The following BCAS3 variants were observed in gnomAD, a reference collection of about 807,000 sequenced individuals.
The protein encoded by BCAS3 is BCAS3 microtubule associated cell migration factor, also known as BCAS4/BCAS3 fusion.
A neutral mutation model predicts 116.1 loss-of-function variants in BCAS3; 53 were observed. The ratio of observed to expected loss-of-function variants is 0.46; its 90% confidence interval spans 0.37 to 0.57. The LOEUF is 0.57. Ranked by LOEUF, BCAS3 falls within the 20% of genes least tolerant of loss-of-function variation. BCAS3 has a pLI of 0.00. For synonymous variants in BCAS3, 391 were observed against 408.2 expected (o/e 0.96, Z 0.51); for missense variants, 917 against 1,165.4 (o/e 0.79, Z 3.10).
rs1244143800 is a variant in BCAS3 at position 61,063,508 on chromosome 17, T to G, written c.2030-11412T>G. On this transcript the variant is annotated intron_variant, in intron 19 of 23. Transcript: ENST00000407086. The surrounding 1 kb of genome is among the most constrained non-coding windows in gnomAD (Gnocchi z 5.3). The stretch of plus-strand genomic sequence containing the variant: ...TGGTCTCGATCTCTTGATCTCGTGA[T>G]CCGCCACCTCGGCCTCCCAAAGTGC... Among the ~76,000 whole-genome samples the G allele has an allele frequency of 6.6e-6, 1 of 152,116 alleles. No homozygotes were observed. Among genetic ancestry groups the G allele is most frequent in the Non-Finnish European group, 1.5e-5 (1 of 68,018 alleles).
chr17:60,803,925 T>C (rs2144604757), intron 6 of BCAS3, among the ~76,000 whole-genome samples: 1 of 149,982 alleles, frequency 6.7e-6, no homozygotes, highest in East Asian at 2.0e-4. Flanking sequence ...CCTCAGCCTC[T>C]TGAGTAGCTG....
At chr17:60,927,419 A>G (rs1314302561) in intron 13 of BCAS3, among the ~76,000 whole-genome samples, 1 of 150,844 alleles carries the variant, frequency 6.6e-6, no homozygotes, top group African/African-American at 2.4e-5. Flanking sequence ...CGCCCAGCTA[A>G]TTTTTTTTTG....
chr17:61,001,258 T>C (rs1160285565), intron 15 of BCAS3, among the ~76,000 whole-genome samples: 5 of 152,152 alleles, frequency 3.3e-5, no homozygotes, highest in Admixed American at 3.3e-4. Flanking sequence ...GTAAAGTGCT[T>C]TTACAAAACT....
intron 15 of BCAS3, among the ~76,000 whole-genome samples, chr17:61,000,286 T>C (rs1358417203): frequency 2.0e-5 from 3 of 152,168 alleles, no homozygotes; most frequent in Non-Finnish European, 4.4e-5. Flanking sequence ...AGATGACTCT[T>C]ACTATTTTGA....
chr17:60,907,089 C>T (rs2058228972), intron 11 of BCAS3, among the ~76,000 whole-genome samples: 1 of 152,118 alleles, frequency 6.6e-6, no homozygotes, highest in South Asian at 2.1e-4. Context: ...GTACTTGGAG[C>T]TCCTTAGAGG....
chr17:60,928,110 A>C (rs1047508370), intron 13 of BCAS3, among the ~76,000 whole-genome samples: 5 of 152,192 alleles, frequency 3.3e-5, no homozygotes, highest in African/African-American at 9.6e-5. Flanking sequence ...TGTCTGGCTA[A>C]GTCTTGTTAA....
At chr17:60,904,180 C>T (rs770012259) in intron 11 of BCAS3, among the ~76,000 whole-genome samples, 6 of 151,028 alleles carry the variant, frequency 4.0e-5, no homozygotes, top group Admixed American at 1.3e-4. Context: ...CTGAGGTGGG[C>T]GGATCATGAG....
chr17:61,269,454 G>C (rs1035024866), intron 22 of BCAS3, among the ~76,000 whole-genome samples: 3 of 152,012 alleles, frequency 2.0e-5, no homozygotes, highest in African/African-American at 7.2e-5. Flanking sequence ...TCAAGAAGTG[G>C]GATTGCTGGA....
intron 4 of BCAS3, among the ~76,000 whole-genome samples, chr17:60,704,926 C>CTACT (rs2036915663): frequency 6.6e-6 from 1 of 151,976 alleles, no homozygotes; most frequent in African/African-American, 2.4e-5. Flanking sequence ...TGGAAGTGGT[C>CTACT]TACTTGCCCC....
chr17:60,832,325 G>A (rs1026119094), intron 7 of BCAS3, among the ~76,000 whole-genome samples: 3 of 152,108 alleles, frequency 2.0e-5, no homozygotes, highest in African/African-American at 4.8e-5. Flanking sequence ...TGCCTGCAGC[G>A]GGCTGGAATC....
At chr17:60,980,422 T>G (rs1005825251) in intron 14 of BCAS3, 3 of 152,214 alleles carry the variant, frequency 2.0e-5, no homozygotes, top group African/African-American at 7.2e-5. Context: ...GGCCATTTGT[T>G]TATCTTCTTT....
At position 60,927,409 on chromosome 17, in the gene BCAS3, C is replaced by T. The variant is rs545412403; in HGVS notation, c.1087+2909C>T. 2.4e-4 allele frequency among the ~76,000 whole-genome samples: 37 copies of T among 152,186 alleles called. 1 individual carries two copies. The South Asian group carries it at 4.8e-3, about 20-fold the overall frequency. ...TAGCTGGGACTACAGGCGTGTACCA[C>T]GCCCAGCTAATTTTTTTTTGTATTT... On this transcript the variant is annotated intron_variant, in intron 13 of 23. Transcript: ENST00000407086.
chr17:60,805,747 G>A (rs2048212139), intron 6 of BCAS3, among the ~76,000 whole-genome samples: 3 of 151,678 alleles, frequency 2.0e-5, no homozygotes, highest in Non-Finnish European at 2.9e-5. Flanking sequence ...AGAATAGCTC[G>A]AACCTGGGAG....
chr17:61,329,111 G>A (rs1190069589), intron 22 of BCAS3, among the ~76,000 whole-genome samples: 1 of 151,286 alleles, frequency 6.6e-6, no homozygotes, highest in Non-Finnish European at 1.5e-5. Flanking sequence ...GGCCAGGCTG[G>A]TCTTGAACTC....
chr17:60,843,416 A>C (rs2052167193), intron 7 of BCAS3, among the ~76,000 whole-genome samples: 1 of 151,912 alleles, frequency 6.6e-6, no homozygotes, highest in Admixed American at 6.6e-5. Context: ...ACAAGGTTTC[A>C]CCATATTGGT....
At chr17:60,791,891 G>T (rs2046797697) in intron 6 of BCAS3, among the ~76,000 whole-genome samples, 1 of 152,120 alleles carries the variant, frequency 6.6e-6, no homozygotes, top group African/African-American at 2.4e-5. Flanking sequence ...TTGGGGGGCT[G>T]AGGCGGGCAG....
intron 5 of BCAS3, among the ~76,000 whole-genome samples, chr17:60,739,880 TTTG>T (rs2041361324): frequency 6.6e-6 from 1 of 151,868 alleles, no homozygotes; most frequent in African/African-American, 2.4e-5. Context: ...TTTTTTTGTT[TTTG>T]TTTTTTTTTT....
At chr17:61,287,072 C>T (rs1244933829) in intron 22 of BCAS3, among the ~76,000 whole-genome samples, 3 of 151,800 alleles carry the variant, frequency 2.0e-5, no homozygotes, top group Non-Finnish European at 4.4e-5. Flanking sequence ...CACGGTGAAA[C>T]CCCGTCTCTA....
chr17:60,803,917 T>C (rs1338279567), intron 6 of BCAS3, among the ~76,000 whole-genome samples: 1 of 148,036 alleles, frequency 6.8e-6, no homozygotes, highest in African/African-American at 2.5e-5. Context: ...TTCTCCTGCC[T>C]CAGCCTCTTG....
Sources: allele counts gnomAD v4.1 joint callset (sites outside exome capture counted in the v4.1 genomes callset), GRCh38; gene constraint gnomAD v4.1.1; non-coding constraint Gnocchi (gnomAD v3.1); transcripts MANE v1.5; gene names NCBI Gene and HGNC (gene_info 2026-07-23, HGNC 2026-07-21).